Variants in TCERG1L observed in about 807,000 individuals in gnomAD.
TCERG1L encodes the protein transcription elongation regulator 1-like protein.
Under a neutral mutation model 56.3 loss-of-function variants are expected in TCERG1L, and 37 were observed. That is an observed-to-expected ratio of 0.66 (90% CI 0.51 to 0.87). The LOEUF is 0.87. Ranked by LOEUF, TCERG1L falls within the 40% of genes least tolerant of loss-of-function variation. The pLI, the probability that TCERG1L is intolerant of heterozygous loss-of-function variation, is 0.00. For synonymous variants in TCERG1L, 324 were observed against 326.3 expected, an observed-to-expected ratio of 0.99 and a Z score of 0.08; for missense variants, 799 against 774.2, an observed-to-expected ratio of 1.03 and a Z score of -0.38.
chr10:131,243,650 G>T (rs1342048313), intron 4 of TCERG1L, among the ~76,000 whole-genome samples: 1 of 152,184 alleles, frequency 6.6e-6, no homozygotes, highest in Non-Finnish European at 1.5e-5. Context: ...CTGCAACCTT[G>T]ATGTGAGAAA....
At chr10:131,133,011 G>T (rs899860940) in intron 8 of TCERG1L, among the ~76,000 whole-genome samples, 5 of 152,230 alleles carry the variant, frequency 3.3e-5, no homozygotes, top group African/African-American at 1.2e-4. Context: ...GCTTGGGGAA[G>T]ACACTGTTAT....
In TCERG1L at chr10:131,103,478, C is replaced by T. The variant is rs1845322776; in HGVS notation, c.1485+787G>A. 6.6e-6 allele frequency among the ~76,000 whole-genome samples: 1 copy of T among 152,070 alleles called. No individual in the cohort carries two copies. The highest frequency in any genetic ancestry group is 2.4e-5 in the African/African-American group (1 of 41,424). On this transcript the variant is annotated intron_variant, in intron 10 of 11. Coordinates refer to ENST00000368642, the MANE Select transcript of TCERG1L (RefSeq NM_174937.4). The surrounding 1 kb of genome is among the most constrained non-coding windows in gnomAD (Gnocchi z 4.3). ...GCCCAAGGTGGAAGGATTGCTTGAGCCTAGGAGTTCAAGATGAGCCTGGGG... is the reference window on the plus strand; with the variant it reads ...GCCCAAGGTGGAAGGATTGCTTGAGTCTAGGAGTTCAAGATGAGCCTGGGG...
At chr10:131,284,575 A>ACC in intron 3 of TCERG1L, among the ~76,000 whole-genome samples, 1 of 152,248 alleles carries the variant, frequency 6.6e-6, no homozygotes, top group Non-Finnish European at 1.5e-5. Context: ...TGAAAAATGT[A>ACC]CCCAAAATGT....
chr10:131,165,227 A>G (rs1846018708), intron 5 of TCERG1L, among the ~76,000 whole-genome samples: 1 of 152,162 alleles, frequency 6.6e-6, no homozygotes, highest in Non-Finnish European at 1.5e-5. Flanking sequence ...GCCAGCCCAG[A>G]GGGAAGGACA....
chr10:131,137,588 G>A (rs1449665684), intron 7 of TCERG1L, among the ~76,000 whole-genome samples: 1 of 152,212 alleles, frequency 6.6e-6, no homozygotes, highest in Non-Finnish European at 1.5e-5. Flanking sequence ...ACCCACACCA[G>A]AACGTACCCA....
At chr10:131,106,232 C>T (rs1393570809) in intron 9 of TCERG1L, among the ~76,000 whole-genome samples, 1 of 152,188 alleles carries the variant, frequency 6.6e-6, no homozygotes, top group Non-Finnish European at 1.5e-5. Context: ...TGTTGAGGAT[C>T]TTGAGAAAAT....
At chr10:131,271,789 CCCTGTGA>C (rs1846342170) in intron 3 of TCERG1L, among the ~76,000 whole-genome samples, 1 of 152,168 alleles carries the variant, frequency 6.6e-6, no homozygotes, top group Non-Finnish European at 1.5e-5. Flanking sequence ...TGGTGAGGGT[CCCTGTGA>C]CCGGAGACTG....
chr10:131,288,463 G>A (rs1400900309), intron 3 of TCERG1L, among the ~76,000 whole-genome samples: 1 of 152,036 alleles, frequency 6.6e-6, no homozygotes, highest in East Asian at 1.9e-4. Flanking sequence ...ACCCTCTCAG[G>A]ACAGACGCAC....
At chr10:131,271,165 T>G (rs887730855) in intron 3 of TCERG1L, among the ~76,000 whole-genome samples, 2 of 126,740 alleles carry the variant, frequency 1.6e-5, no homozygotes, top group African/African-American at 2.6e-5. Context: ...AGAACCTGCC[T>G]CCAGAACCTG....
intron 4 of TCERG1L, among the ~76,000 whole-genome samples, chr10:131,219,919 G>A (rs1845712683): frequency 1.3e-5 from 2 of 152,130 alleles, no homozygotes; most frequent in Admixed American, 6.5e-5. Context: ...TTTGCTCCCC[G>A]GCTTGAGCTC....
chr10:131,112,097 C>T lies in TCERG1L; in HGVS notation c.1395+4702G>A, dbSNP rs769187924. 1.2e-4 allele frequency among the ~76,000 whole-genome samples: 17 copies of T among 142,942 alleles called. 1 individual carries two copies. The highest frequency in any genetic ancestry group is 2.5e-4 in the Non-Finnish European group (16 of 63,418). The allele number at this position is 142,942 out of a possible 152,430, so 93.8% of individuals were successfully genotyped here. A position where few individuals can be genotyped will look rare whatever the true frequency, so the allele number is the denominator to read the frequency against. On this transcript the variant is annotated intron_variant, in intron 9 of 11. Transcript: ENST00000368642. ...CGCTGGGGCTGTAGAAGTTCAAGAC[C>T]CCTGAGAGTGGGGGAATGGGCCCGG...
At chr10:131,173,180 C>T (rs1846110989) in intron 4 of TCERG1L, among the ~76,000 whole-genome samples, 4 of 152,034 alleles carry the variant, frequency 2.6e-5, no homozygotes, top group Admixed American at 6.6e-5. Context: ...TGTGAGCCAC[C>T]CCACCCGGCC....
At chr10:131,285,287 A>G (rs1243401530) in intron 3 of TCERG1L, among the ~76,000 whole-genome samples, 1 of 151,744 alleles carries the variant, frequency 6.6e-6, no homozygotes, top group Non-Finnish European at 1.5e-5. Flanking sequence ...CTGAGGCAGG[A>G]GAATCACTTG....
chr10:131,152,088 T>G (rs1845872461), intron 6 of TCERG1L, among the ~76,000 whole-genome samples: 1 of 152,230 alleles, frequency 6.6e-6, no homozygotes, highest in Non-Finnish European at 1.5e-5. Flanking sequence ...TCTGACATAC[T>G]CTGGAGACCT....
chr10:131,229,169 G>A (rs868359685), intron 4 of TCERG1L, among the ~76,000 whole-genome samples: 34 of 151,634 alleles, frequency 2.2e-4, no homozygotes, highest in Non-Finnish European at 2.5e-4. Context: ...AAGGCCTCAC[G>A]AGTCTCCCCT....
chr10:131,213,428 G>A (rs1043286147), intron 4 of TCERG1L, among the ~76,000 whole-genome samples: 17 of 152,192 alleles, frequency 1.1e-4, no homozygotes, highest in African/African-American at 3.4e-4. Context: ...CACCAGAACC[G>A]GATATTAGGA....
intron 4 of TCERG1L, among the ~76,000 whole-genome samples, chr10:131,215,258 T>C (rs1845658510): frequency 6.6e-6 from 1 of 152,174 alleles, no homozygotes; most frequent in Non-Finnish European, 1.5e-5. Context: ...TGAATCCACG[T>C]CGCCCCACAG....
chr10:131,120,249 T>C lies in TCERG1L; in HGVS notation c.1260-3315A>G, dbSNP rs113605755. On this transcript the variant is annotated intron_variant, in intron 8 of 11. Transcript: ENST00000368642. Reference sequence around the variant, plus strand: ...AGCTGAGGTTTTCTGATTTTGCCCATGTGCAGAGGGCAGCACATTATCCGG... The same window carrying C: ...AGCTGAGGTTTTCTGATTTTGCCCACGTGCAGAGGGCAGCACATTATCCGG... Among the ~76,000 whole-genome samples, 449 of 152,316 alleles carry C rather than the reference T, an allele frequency of 2.9e-3. 3 individuals carry two copies. The highest frequency in any genetic ancestry group is 0.01 in the African/African-American group (428 of 41,570).
chr10:131,283,956 C>A (rs1309706533), intron 3 of TCERG1L, among the ~76,000 whole-genome samples: 1 of 151,844 alleles, frequency 6.6e-6, no homozygotes, highest in African/African-American at 2.4e-5. Context: ...AACCCTGTCT[C>A]TACTAAAAAT....
Sources: gnomAD v4.1 joint callset for allele counts (sites outside exome capture counted in the v4.1 genomes callset) on GRCh38, gnomAD v4.1.1 for gene constraint, Gnocchi (gnomAD v3.1) non-coding constraint, MANE v1.5 for transcripts, NCBI Gene and HGNC (gene_info 2026-07-23, HGNC 2026-07-21) for gene names.